Variants in MAGI2 observed in about 807,000 individuals in gnomAD.
MAGI2 encodes membrane associated guanylate kinase, WW and PDZ domain containing 2, also known as membrane-associated guanylate kinase, WW and PDZ domain-containing protein 2.
Under a neutral mutation model 133.3 loss-of-function variants are expected in MAGI2, and 35 were observed. That is an observed-to-expected ratio of 0.26 (90% CI 0.20 to 0.35). The LOEUF is 0.35. MAGI2 is among the 10% of genes least tolerant of loss of function. The pLI, the probability that MAGI2 is intolerant of heterozygous loss-of-function variation, is 1.00. For missense variants in MAGI2, 1,636 were observed against 1,863.4 expected, an observed-to-expected ratio of 0.88 and a Z score of 2.25; for synonymous variants, 729 against 710.6, an observed-to-expected ratio of 1.03 and a Z score of -0.41.
intron 1 of MAGI2, chr7:79,413,569 A>G (rs1846285985): frequency 6.6e-6 from 1 of 152,172 alleles, no homozygotes; most frequent in Admixed American, 6.6e-5. Flanking sequence ...TCCTTTAATT[A>G]TACCTCAGAA....
At chr7:78,070,212 T>TACACACAC (rs1222332535) in intron 21 of MAGI2, among the ~76,000 whole-genome samples, 1 of 56,478 alleles carries the variant, frequency 1.8e-5, no homozygotes. Flanking sequence ...TATATATATA[T>TACACACAC]ATATATACAC....
chr7:78,674,692 A>G (rs1196449720), intron 2 of MAGI2, among the ~76,000 whole-genome samples: 1 of 152,198 alleles, frequency 6.6e-6, no homozygotes, highest in Non-Finnish European at 1.5e-5. Flanking sequence ...ACAGAGAATT[A>G]GAAATACAAA....
At chr7:78,773,719 A>G (rs922716385) in intron 2 of MAGI2, among the ~76,000 whole-genome samples, 34 of 152,192 alleles carry the variant, frequency 2.2e-4, no homozygotes, top group Middle Eastern at 3.2e-3. Context: ...TCAGTTTTCT[A>G]GGTAAGTAAA....
At chr7:79,201,671 T>C in intron 1 of MAGI2, among the ~76,000 whole-genome samples, 1 of 151,940 alleles carries the variant, frequency 6.6e-6, no homozygotes, top group East Asian at 1.9e-4. Flanking sequence ...TAACCCACTG[T>C]TTCCTAAATC....
At chr7:78,453,940 A>G (rs549836446) in intron 6 of MAGI2, among the ~76,000 whole-genome samples, 4 of 152,268 alleles carry the variant, frequency 2.6e-5, no homozygotes, top group African/African-American at 7.2e-5. Context: ...TTTTGGGGAT[A>G]CATGTGATAT....
intron 1 of MAGI2, among the ~76,000 whole-genome samples, chr7:79,112,141 T>A (rs933828458): frequency 2.0e-5 from 3 of 151,480 alleles, no homozygotes; most frequent in South Asian, 2.1e-4. Flanking sequence ...AATTATACAT[T>A]TTTTTTTAGT....
chr7:79,195,649 C>A (rs1358223460), intron 1 of MAGI2, among the ~76,000 whole-genome samples: 1 of 152,040 alleles, frequency 6.6e-6, no homozygotes, highest in East Asian at 1.9e-4. Flanking sequence ...TGGAGAGTCA[C>A]ACGCTAATCC....
At chr7:78,695,723 G>A (rs1817440739) in intron 2 of MAGI2, among the ~76,000 whole-genome samples, 1 of 152,126 alleles carries the variant, frequency 6.6e-6, no homozygotes, top group South Asian at 2.1e-4. Context: ...TTAGTGGGGG[G>A]AAAAATTCCA....
At chr7:78,115,916 TA>T (rs1483066458) in intron 20 of MAGI2, among the ~76,000 whole-genome samples, 1 of 152,186 alleles carries the variant, frequency 6.6e-6, no homozygotes, top group African/African-American at 2.4e-5. Context: ...ATCAAATAGA[TA>T]AAAATTAGTA....
intron 3 of MAGI2, among the ~76,000 whole-genome samples, chr7:78,565,575 A>G (rs1375755790): frequency 6.6e-6 from 1 of 151,722 alleles, no homozygotes; most frequent in Non-Finnish European, 1.5e-5. Flanking sequence ...ATTTTCAAAT[A>G]CTTTTAAAAA....
chr7:78,534,902 A>C (rs1486824173), intron 3 of MAGI2, among the ~76,000 whole-genome samples: 1 of 152,202 alleles, frequency 6.6e-6, no homozygotes, highest in Non-Finnish European at 1.5e-5. Context: ...TGGGAGGCTG[A>C]GGCAGGTGGA....
At chr7:78,930,565 A>G (rs981389480) in intron 2 of MAGI2, among the ~76,000 whole-genome samples, 2 of 152,106 alleles carry the variant, frequency 1.3e-5, no homozygotes, top group Non-Finnish European at 2.9e-5. Flanking sequence ...GCATTTAGGG[A>G]CCTTCTGGAA....
At chr7:78,305,632 A>G (rs1798189645) in intron 9 of MAGI2, among the ~76,000 whole-genome samples, 1 of 152,132 alleles carries the variant, frequency 6.6e-6, no homozygotes, top group Admixed American at 6.5e-5. Context: ...CAGTGTAACC[A>G]TGAGCTCCAA....
At chr7:78,428,975 C>CTG (rs1479946031) in intron 6 of MAGI2, among the ~76,000 whole-genome samples, 3 of 152,138 alleles carry the variant, frequency 2.0e-5, no homozygotes, top group African/African-American at 7.2e-5. Context: ...AGATATAATG[C>CTG]TGTGTTACTA....
chr7:79,186,224 A>ATATATATATT (rs1303247897), intron 1 of MAGI2, among the ~76,000 whole-genome samples: 62 of 106,972 alleles, frequency 5.8e-4, no homozygotes, highest in Non-Finnish European at 1.1e-3. Flanking sequence ...ATATATATAT[A>ATATATATATT]TATATATATA....
In MAGI2 at chr7:79,236,598, T is replaced by C. The variant is rs899588845; in HGVS notation, c.301+216422A>G. 6.6e-5 allele frequency among the ~76,000 whole-genome samples: 10 copies of C among 152,336 alleles called. No homozygotes were observed. The East Asian group carries it at 9.7e-4, about 15-fold the overall frequency. On this transcript the variant is annotated intron_variant, in intron 1 of 21. Coordinates refer to ENST00000354212, the MANE Select transcript of MAGI2 (RefSeq NM_012301.4). ...CCTCGGGTGAGACATTTAATGTCTT[T>C]AGACCTCATGTCCCAAGTCTGTAAA... is the stretch of plus-strand genomic sequence containing the variant.
chr7:78,833,287 C>T (rs1183805065), intron 2 of MAGI2, among the ~76,000 whole-genome samples: 2 of 152,154 alleles, frequency 1.3e-5, no homozygotes, highest in African/African-American at 4.8e-5. Context: ...ACTTCATCCC[C>T]ATGTGACCAT....
chr7:79,438,157 G>A (rs1236341270), intron 1 of MAGI2, among the ~76,000 whole-genome samples: 2 of 152,042 alleles, frequency 1.3e-5, no homozygotes, highest in Non-Finnish European at 2.9e-5. Context: ...ACAATCCTGT[G>A]AGCTCTAGAT....
At chr7:78,746,559 A>C (rs1822945222) in intron 2 of MAGI2, among the ~76,000 whole-genome samples, 1 of 152,232 alleles carries the variant, frequency 6.6e-6, no homozygotes, top group Non-Finnish European at 1.5e-5. Flanking sequence ...AATCACCAGC[A>C]CAGAAGTGAA....
Sources: allele counts gnomAD v4.1 joint callset (sites outside exome capture counted in the v4.1 genomes callset), GRCh38; gene constraint gnomAD v4.1.1; transcripts MANE v1.5; gene names NCBI Gene and HGNC (gene_info 2026-07-23, HGNC 2026-07-21).